HACL1: variants seen among roughly 807,000 people sequenced by gnomAD.
HACL1 encodes 1600020H07Rik.
HACL1 carries 64 observed loss-of-function variants against 74.2 expected under a neutral mutation model. That is an observed-to-expected ratio of 0.86 (90% CI 0.70 to 1.06). The LOEUF is 1.06. HACL1 is among the 50% of genes least tolerant of loss of function. HACL1 has a pLI of 0.00. For synonymous variants in HACL1, 230 were observed against 238.8 expected (o/e 0.96, Z 0.34); for missense variants, 728 against 719.7 (o/e 1.01, Z -0.13).
intron 9 of HACL1, among the ~76,000 whole-genome samples, chr3:15,579,142 A>G (rs2063678939): frequency 1.3e-5 from 2 of 152,238 alleles, no homozygotes; most frequent in African/African-American, 4.8e-5. Context: ...ACAAAAATCA[A>G]CATTCTACAG....
At chr3:15,598,863 T>C (rs2064123909) in intron 2 of HACL1, among the ~76,000 whole-genome samples, 1 of 152,252 alleles carries the variant, frequency 6.6e-6, no homozygotes, top group African/African-American at 2.4e-5. Context: ...CACTGGGATG[T>C]TCCACCAACA....
chr3:15,570,357 T>C (rs2063505228), intron 12 of HACL1, among the ~76,000 whole-genome samples: 1 of 151,006 alleles, frequency 6.6e-6, no homozygotes, highest in South Asian at 2.1e-4. Flanking sequence ...AAAAAAAAAA[T>C]TCCAATGTAA....
chr3:15,573,978 C>T (rs2125243295), intron 10 of HACL1, among the ~76,000 whole-genome samples: 1 of 152,312 alleles, frequency 6.6e-6, no homozygotes, highest in South Asian at 2.1e-4. Context: ...AGTTTTAGTT[C>T]TCAACTGGCT....
intron 5 of HACL1, among the ~76,000 whole-genome samples, chr3:15,588,620 A>G (rs1000769663): frequency 6.6e-6 from 1 of 151,980 alleles, no homozygotes; most frequent in Non-Finnish European, 1.5e-5. Context: ...GAAAGAAAGA[A>G]AGACAGAGAT....
At chr3:15,598,213 G>A (rs1016186342) in intron 2 of HACL1, among the ~76,000 whole-genome samples, 2 of 151,996 alleles carry the variant, frequency 1.3e-5, no homozygotes, top group Admixed American at 1.3e-4. Flanking sequence ...TAGAAACGGG[G>A]TTTCTCCATG....
chr3:15,579,950 G>T lies in HACL1; in HGVS notation c.763C>A (p.Pro255Thr). Residue 255 changes from proline to threonine, a missense_variant, in exon 9 of 17, where the codon CCT becomes ACT. Coordinates refer to ENST00000321169, the MANE Select transcript of HACL1 (RefSeq NM_012260.4). ...CCTACACAGTATGGATGGTTGTCAG[G>T]GACAACACCCTTCCCCATAGGGGTG... is the stretch of plus-strand genomic sequence containing the variant. Reference protein sequence around the residue: ...LPTPMGKGVVPDNHPYCVGAA... With the variant: ...LPTPMGKGVVTDNHPYCVGAA... 1 of 1,610,728 alleles carries T rather than the reference G, an allele frequency of 6.2e-7. No homozygotes were observed. The highest frequency in any genetic ancestry group is 8.5e-7 in the Non-Finnish European group (1 of 1,177,148).
intron 14 of HACL1, among the ~76,000 whole-genome samples, chr3:15,567,356 T>C (rs1056094665): frequency 2.6e-5 from 4 of 151,726 alleles, no homozygotes; most frequent in East Asian, 3.9e-4. Flanking sequence ...ATTACAGGCA[T>C]GCATCACTGC....
Position 15,601,441 on chromosome 3 carries a change from T to C in HACL1, c.23A>G (p.Glu8Gly). The C allele has an allele frequency of 6.2e-7, 1 of 1,613,674 alleles. No homozygotes were observed. The highest frequency in any genetic ancestry group is 1.1e-5 in the South Asian group (1 of 91,080). Residue 8 changes from glutamate (E) to glycine (G), a missense_variant, in exon 1 of 17, where the codon GAG (glutamate) becomes GGG (glycine). Glu to Gly is a moderately conservative substitution (Grantham distance 98). Coordinates refer to ENST00000321169, the MANE Select transcript of HACL1 (RefSeq NM_012260.4). ...ACCAGACACCTGCTCCTCGCTGCGC[T>C]CTGCGAAGTTACTGTCCGGCATCTT... MPDSNFAERSEEQVSGAK... is the reference protein window; with the variant it reads MPDSNFAGRSEEQVSGAK...
intron 3 of HACL1, 33 bp downstream of exon 3, chr3:15,596,351 A>T: frequency 8.3e-7 from 1 of 1,210,160 alleles, no homozygotes; most frequent in Non-Finnish European, 1.2e-6. Context: ...CCAAAATATT[A>T]AAGTAATTGA....
chr3:15,590,620 A>G (rs1204338712), intron 4 of HACL1, among the ~76,000 whole-genome samples: 5 of 152,244 alleles, frequency 3.3e-5, no homozygotes, highest in Admixed American at 6.5e-5. Context: ...CTAAATGAAT[A>G]TAAGAATTTC....
At chr3:15,597,500 A>AT (rs1181501664) in intron 2 of HACL1, among the ~76,000 whole-genome samples, 1 of 147,812 alleles carries the variant, frequency 6.8e-6, no homozygotes, top group African/African-American at 2.7e-5. Flanking sequence ...CTGGGACATC[A>AT]TTTTTTTCCC....
At chr3:15,601,262 C>A in intron 1 of HACL1, 68 bp from the exon 2 acceptor site, 2 of 1,544,814 alleles carry the variant, frequency 1.3e-6, no homozygotes, top group Non-Finnish European at 1.8e-6. Flanking sequence ...TTCCCTCCCT[C>A]CCGGGCGCTA....
At chr3:15,596,096 A>T (rs1298744822) in intron 3 of HACL1, 2 of 293,446 alleles carry the variant, frequency 6.8e-6, no homozygotes, top group Non-Finnish European at 6.4e-6. Flanking sequence ...TTTTTGTATT[A>T]AGTGTGCTGG....
chr3:15,596,963 ATT>A (rs2064078297), intron 2 of HACL1, among the ~76,000 whole-genome samples: 1 of 152,116 alleles, frequency 6.6e-6, no homozygotes, highest in African/African-American at 2.4e-5. Context: ...TTTACTAATA[ATT>A]TGTTTAAAAT....
At chr3:15,586,650 A>G in intron 5 of HACL1, 48 bp from the exon 6 acceptor site, 2 of 1,038,126 alleles carry the variant, frequency 1.9e-6, no homozygotes, top group African/African-American at 3.2e-5. Context: ...CAATCATGTT[A>G]CTCTCCTGAA....
chr3:15,572,986 G>A (rs1199702923), intron 11 of HACL1, among the ~76,000 whole-genome samples, 173 bp downstream of exon 11: 1 of 152,206 alleles, frequency 6.6e-6, no homozygotes, highest in East Asian at 1.9e-4. Flanking sequence ...TGTACCAGAA[G>A]TTGGACTTAA....
At chr3:15,563,808 G>A (rs1272275339) in intron 15 of HACL1, among the ~76,000 whole-genome samples, 1 of 152,114 alleles carries the variant, frequency 6.6e-6, no homozygotes, top group African/African-American at 2.4e-5. Flanking sequence ...TCTACCTGTT[G>A]CTGTGAGCAC....
intron 9 of HACL1, 84 bp downstream of exon 9, chr3:15,579,826 C>A: frequency 1.1e-6 from 1 of 933,512 alleles, no homozygotes. Flanking sequence ...TTCAGAACTC[C>A]ATCCTAGATG....
chr3:15,582,826 G>T, intron 8 of HACL1, 51 bp downstream of exon 8: 1 of 859,584 alleles, frequency 1.2e-6, no homozygotes, highest in Non-Finnish European at 1.9e-6. Flanking sequence ...TTTGTAAAAA[G>T]AATTGGCACT....
Sources: gnomAD v4.1 joint callset for allele counts (sites outside exome capture counted in the v4.1 genomes callset) on GRCh38, gnomAD v4.1.1 for gene constraint, MANE v1.5 for transcripts, NCBI Gene and HGNC (gene_info 2026-07-23, HGNC 2026-07-21) for gene names.